The following KIT variants were observed in gnomAD, a reference collection of about 807,000 sequenced individuals.
KIT encodes mast/stem cell growth factor receptor Kit.
A neutral mutation model predicts 105.7 loss-of-function variants in KIT; 16 were observed. That is an observed-to-expected ratio of 0.15 (90% confidence interval 0.10 to 0.23). The LOEUF (loss-of-function observed/expected upper bound fraction) is 0.23. KIT is among the 10% of genes least tolerant of loss of function. KIT has a pLI of 1.00. For missense variants in KIT, 858 were observed against 1,213.8 expected, an observed-to-expected ratio of 0.71 and a Z score of 4.36; for synonymous variants, 438 against 441.1, an observed-to-expected ratio of 0.99 and a Z score of 0.09.
chr4:54,672,787 ATCATGGCTT>A (rs1262462411), intron 1 of KIT, among the ~76,000 whole-genome samples: 1 of 152,168 alleles, frequency 6.6e-6, no homozygotes, highest in African/African-American at 2.4e-5. Context: ...CAGTCTTTAT[ATCATGGCTT>A]TCCTGGCATT....
At chr4:54,664,269 G>A (rs1717517279) in intron 1 of KIT, among the ~76,000 whole-genome samples, 1 of 152,156 alleles carries the variant, frequency 6.6e-6, no homozygotes, top group African/African-American at 2.4e-5. Flanking sequence ...GATGGCTGGG[G>A]GTAGGGAATT....
At chr4:54,702,842 G>T (rs190152474) in intron 4 of KIT, among the ~76,000 whole-genome samples, 1 of 152,060 alleles carries the variant, frequency 6.6e-6, no homozygotes, top group South Asian at 2.1e-4. Flanking sequence ...CCAAAGCCTC[G>T]CCAAGGAATC....
intron 1 of KIT, among the ~76,000 whole-genome samples, chr4:54,664,333 G>A (rs2109544187): frequency 6.6e-6 from 1 of 152,256 alleles, no homozygotes; most frequent in Non-Finnish European, 1.5e-5. Context: ...GAGGGAATGT[G>A]TATTTAGTGC....
intron 1 of KIT, among the ~76,000 whole-genome samples, chr4:54,688,175 A>G (rs1719451693): frequency 6.6e-6 from 1 of 152,070 alleles, no homozygotes; most frequent in South Asian, 2.1e-4. Flanking sequence ...TGCTATTTCC[A>G]GTATCATCTC....
At chr4:54,703,211 C>T (rs750865979) in intron 4 of KIT, among the ~76,000 whole-genome samples, 1 of 152,154 alleles carries the variant, frequency 6.6e-6, no homozygotes, top group Non-Finnish European at 1.5e-5. Context: ...CAAGATTCTG[C>T]TGGGTGAGAA....
At chr4:54,687,976 CT>C (rs778289717) in intron 1 of KIT, among the ~76,000 whole-genome samples, 8 of 152,166 alleles carry the variant, frequency 5.3e-5, no homozygotes, top group Non-Finnish European at 1.0e-4. Context: ...AAAGGTAAGA[CT>C]TTAATGACGA....
At chr4:54,696,568 A>T (rs950071425) in intron 2 of KIT, among the ~76,000 whole-genome samples, 1 of 152,230 alleles carries the variant, frequency 6.6e-6, no homozygotes, top group African/African-American at 2.4e-5. Flanking sequence ...GGCCTTATCC[A>T]TGGTATTGTG....
chr4:54,724,428 T>A (rs1056602948), intron 8 of KIT, among the ~76,000 whole-genome samples: 1 of 152,216 alleles, frequency 6.6e-6, no homozygotes, highest in African/African-American at 2.4e-5. Context: ...TGGAAGGGGT[T>A]ACATCGGATT....
At chr4:54,714,343 T>A (rs576479926) in intron 7 of KIT, among the ~76,000 whole-genome samples, 1 of 150,284 alleles carries the variant, frequency 6.7e-6, no homozygotes, top group South Asian at 2.2e-4. Context: ...CCTCTTTGGT[T>A]ATATTAAATG....
intron 15 of KIT, among the ~76,000 whole-genome samples, 170 bp from the exon 16 acceptor site, chr4:54,731,701 A>T (rs1722607289): frequency 6.6e-6 from 1 of 152,144 alleles, no homozygotes. Context: ...ATTGTTAAAT[A>T]TTAACTTTGT....
chr4:54,669,705 GAAAA>G (rs10603436), intron 1 of KIT, among the ~76,000 whole-genome samples: 2 of 132,752 alleles, frequency 1.5e-5, no homozygotes, highest in Non-Finnish European at 3.3e-5. Flanking sequence ...GTCCAGAAAG[GAAAA>G]AAAAAAAAAA....
At chr4:54,714,768 T>A (rs1721362965) in intron 7 of KIT, among the ~76,000 whole-genome samples, 2 of 152,180 alleles carry the variant, frequency 1.3e-5, no homozygotes, top group African/African-American at 4.8e-5. Context: ...TAGATCCCGC[T>A]CCCATTTTGA....
intron 1 of KIT, among the ~76,000 whole-genome samples, chr4:54,681,463 G>A (rs1185679230): frequency 6.6e-6 from 1 of 152,104 alleles, no homozygotes; most frequent in Non-Finnish European, 1.5e-5. Context: ...CTCTTAGTCT[G>A]TCTCTGAGAT....
intron 6 of KIT, among the ~76,000 whole-genome samples, chr4:54,707,607 GAA>G (rs1342625252): frequency 1.3e-5 from 2 of 152,128 alleles, no homozygotes; most frequent in African/African-American, 2.4e-5. Context: ...TCTCTTCAGA[GAA>G]AAAGGGAAGT....
At chr4:54,724,189 A>G (rs1312046389) in intron 8 of KIT, among the ~76,000 whole-genome samples, 2 of 152,222 alleles carry the variant, frequency 1.3e-5, no homozygotes, top group African/African-American at 4.8e-5. Flanking sequence ...GCCCCTGAAC[A>G]GAGAACATCT....
At position 54,731,948 on chromosome 4, in the gene KIT, A is replaced by T. The variant is rs1722625754; in HGVS notation, c.2311A>T (p.Ser771Cys). 6.2e-7 allele frequency: 1 copy of T among 1,612,832 alleles called. No homozygotes were observed. The highest frequency in any genetic ancestry group is 8.5e-7 in the Non-Finnish European group (1 of 1,179,598). ...ELALDLEDLL[S>C]FSYQVAKGMA... ...GGCCCTAGACTTAGAAGACTTGCTG[A>T]GCTTTTCTTACCAGGTGGCAAAGGG... Residue 771 changes from serine to cysteine, a missense_variant, in exon 16 of 21, where the codon AGC becomes TGC. Physicochemically the swap from Ser to Cys is moderately radical, Grantham distance 112. Coordinates refer to ENST00000288135, the MANE Select transcript of KIT (RefSeq NM_000222.3).
At position 54,725,852 on chromosome 4, in the gene KIT, T is replaced by C. The variant is rs1553891394; in HGVS notation, c.1347-5T>C. ...AAGCCAGGGCTTTTGTTTTCTTCCC[T>C]TTAGATGCTCTGCTTCTGTACTGCC... On this transcript the variant is annotated splice_region_variant and splice_polypyrimidine_tract_variant and intron_variant, in intron 8 of 20. Coordinates refer to ENST00000288135, the MANE Select transcript of KIT (RefSeq NM_000222.3). The C allele has an allele frequency of 6.2e-7, 1 of 1,613,890 alleles. No individual in the cohort carries two copies. The highest frequency in any genetic ancestry group is 8.5e-7 in the Non-Finnish European group (1 of 1,179,840).
intron 7 of KIT, among the ~76,000 whole-genome samples, chr4:54,721,657 G>A (rs1259741379): frequency 6.6e-6 from 1 of 152,166 alleles, no homozygotes; most frequent in East Asian, 1.9e-4. Context: ...CTCCAGGGAG[G>A]TGCCTCCAGG....
At chr4:54,683,186 T>C (rs2855774) in intron 1 of KIT, among the ~76,000 whole-genome samples, 25,135 of 152,200 alleles carry the variant, frequency 0.17, 4,019 homozygotes, top group African/African-American at 0.42. Flanking sequence ...GATCTTAGAA[T>C]TGTTAGTGGC....
Sources: allele counts gnomAD v4.1 joint callset (sites outside exome capture counted in the v4.1 genomes callset), GRCh38; gene constraint gnomAD v4.1.1; transcripts MANE v1.5; gene names NCBI Gene and HGNC (gene_info 2026-07-23, HGNC 2026-07-21).